The following NMS variants were observed in gnomAD, a reference collection of about 807,000 sequenced individuals.
NMS encodes neuromedin-S.
A neutral mutation model predicts 32.2 loss-of-function variants in NMS; 30 were observed. The ratio of observed to expected loss-of-function variants is 0.93; its 90% confidence interval spans 0.70 to 1.26. NMS has a LOEUF of 1.26. Among genes scored for constraint, NMS ranks in the 50% most tolerant of loss-of-function variants. The pLI, the probability that NMS is intolerant of heterozygous loss-of-function variation, is 0.00. For missense variants in NMS, 190 were observed against 186.3 expected, an observed-to-expected ratio of 1.02 and a Z score of -0.12; for synonymous variants, 76 against 58.5, an observed-to-expected ratio of 1.30 and a Z score of -1.37.
chr2:100,474,905 C>T (rs1677077475), intron 3 of NMS, among the ~76,000 whole-genome samples: 1 of 152,194 alleles, frequency 6.6e-6, no homozygotes, highest in African/African-American at 2.4e-5. Context: ...GCTGAAAACT[C>T]AGAGTTCTTC....
intron 3 of NMS, among the ~76,000 whole-genome samples, chr2:100,475,735 C>T (rs1439165785): frequency 2.0e-5 from 3 of 152,060 alleles, no homozygotes; most frequent in Non-Finnish European, 4.4e-5. Flanking sequence ...TGTGGTGGCT[C>T]ATGCCTGTAA....
At chr2:100,471,036 G>A (rs1676998391) in intron 1 of NMS, among the ~76,000 whole-genome samples, 1 of 152,218 alleles carries the variant, frequency 6.6e-6, no homozygotes, top group Non-Finnish European at 1.5e-5. Flanking sequence ...TTTCCATTGG[G>A]TTTTAGAGAA....
At chr2:100,480,612 C>A in intron 7 of NMS, 81 bp downstream of exon 7, 1 of 1,408,136 alleles carries the variant, frequency 7.1e-7, no homozygotes, top group Non-Finnish European at 1.0e-6. Flanking sequence ...AGCCAGCCAC[C>A]CTGCAGCCCC....
At chr2:100,480,673 T>C in intron 7 of NMS, 142 bp downstream of exon 7, 1 of 783,996 alleles carries the variant, frequency 1.3e-6, no homozygotes. Context: ...TGAGAATCTT[T>C]TGTGGCTGAG....
intron 7 of NMS, among the ~76,000 whole-genome samples, 197 bp from the exon 8 acceptor site, chr2:100,480,929 C>G (rs1049775376): frequency 5.3e-5 from 8 of 152,278 alleles, no homozygotes; most frequent in African/African-American, 1.9e-4. Context: ...GGCTAAAATT[C>G]AGATTGCTTG....
chr2:100,472,337 T>A (rs1677020508), intron 1 of NMS, among the ~76,000 whole-genome samples: 2 of 152,230 alleles, frequency 1.3e-5, no homozygotes, highest in Non-Finnish European at 2.9e-5. Flanking sequence ...CCAGAGCCCA[T>A]CCCTAGAGAG....
intron 8 of NMS, among the ~76,000 whole-genome samples, chr2:100,481,761 G>A (rs923589627): frequency 4.6e-5 from 7 of 152,204 alleles, no homozygotes; most frequent in African/African-American, 1.7e-4. Context: ...CCCGACATTT[G>A]TGATGTCTCA....
intron 4 of NMS, 42 bp downstream of exon 4, chr2:100,477,309 T>C (rs779946360): frequency 5.0e-6 from 8 of 1,611,124 alleles, no homozygotes; most frequent in Non-Finnish European, 5.1e-6. Context: ...GCAGCTTCCA[T>C]GTTTAGAGCA....
intron 8 of NMS, among the ~76,000 whole-genome samples, 191 bp from the exon 9 acceptor site, chr2:100,482,086 A>G (rs1677229174): frequency 6.6e-6 from 1 of 152,194 alleles, no homozygotes; most frequent in African/African-American, 2.4e-5. Context: ...TTCCTGGAGC[A>G]CTGTCCCAGA....
chr2:100,474,035 G>A (rs771312046), intron 3 of NMS, among the ~76,000 whole-genome samples: 11 of 151,910 alleles, frequency 7.2e-5, no homozygotes, highest in South Asian at 2.1e-4. Context: ...AAAATTAGCC[G>A]GGCAAGGTGG....
At chr2:100,471,317 A>G in intron 1 of NMS, among the ~76,000 whole-genome samples, 1 of 152,362 alleles carries the variant, frequency 6.6e-6, no homozygotes, top group East Asian at 1.9e-4. Flanking sequence ...AATCTTTGGT[A>G]ATATATTGAC....
intron 3 of NMS, among the ~76,000 whole-genome samples, chr2:100,475,072 A>G (rs6715417): frequency 0.24 from 37,231 of 152,096 alleles, 4,801 homozygotes; most frequent in East Asian, 0.35. Flanking sequence ...AGGATCCCCA[A>G]GAGCAAGGGC....
chr2:100,478,140 T>C (rs1677147230), intron 5 of NMS, among the ~76,000 whole-genome samples: 2 of 152,124 alleles, frequency 1.3e-5, no homozygotes, highest in South Asian at 4.1e-4. Flanking sequence ...GTTTGTATTT[T>C]TAGTAGACAT....
intron 3 of NMS, among the ~76,000 whole-genome samples, chr2:100,475,286 G>T (rs1677087969): frequency 6.6e-6 from 1 of 152,120 alleles, no homozygotes; most frequent in African/African-American, 2.4e-5. Context: ...TGGGGCTTTG[G>T]TTTCCTCAAC....
At chr2:100,477,523 T>C in intron 5 of NMS, 109 bp downstream of exon 5, 1 of 754,998 alleles carries the variant, frequency 1.3e-6, no homozygotes, top group South Asian at 1.8e-5. Flanking sequence ...GCTCCGGACA[T>C]CCTCTGGGTA....
chr2:100,477,131 A>G (rs569668081), intron 3 of NMS, 113 bp from the exon 4 acceptor site: 12 of 821,952 alleles, frequency 1.5e-5, no homozygotes, highest in Non-Finnish European at 2.2e-5. Flanking sequence ...CCAATTTATC[A>G]TAATAGTCAG....
intron 3 of NMS, among the ~76,000 whole-genome samples, chr2:100,474,621 G>A (rs138098418): frequency 1.0e-3 from 158 of 152,320 alleles, no homozygotes; most frequent in African/African-American, 3.6e-3. Context: ...CCAGAATGCT[G>A]TTGTAAGGAT....
chr2:100,481,117 A>G lies in NMS; in HGVS notation c.373-9A>G. On this transcript the variant is annotated splice_polypyrimidine_tract_variant and intron_variant, in intron 7 of 9. Transcript: ENST00000376865. ...GTTGCATAATGGCTTGTGTTTCTAT[A>G]TGTTGCAGGATCACACTGCGACCTG... 1 of 1,613,900 alleles carries G rather than the reference A, an allele frequency of 6.2e-7. No individual in the cohort carries two copies. The highest frequency in any genetic ancestry group is 1.1e-5 in the South Asian group (1 of 91,088).
At chr2:100,476,723 A>AT (rs1199567342) in intron 3 of NMS, among the ~76,000 whole-genome samples, 10 of 152,202 alleles carry the variant, frequency 6.6e-5, no homozygotes, top group African/African-American at 1.4e-4. Context: ...ATAAGCGCAC[A>AT]TGCAGCCATC....
Sources: gnomAD v4.1 joint callset for allele counts (sites outside exome capture counted in the v4.1 genomes callset) on GRCh38, gnomAD v4.1.1 for gene constraint, MANE v1.5 for transcripts, NCBI Gene and HGNC (gene_info 2026-07-23, HGNC 2026-07-21) for gene names.